The following KCTD9 variants were observed in gnomAD, a reference collection of about 807,000 sequenced individuals.
KCTD9 encodes the protein potassium channel tetramerization domain containing 9.
Under a neutral mutation model 53.3 loss-of-function variants are expected in KCTD9, and 17 were observed. The observed-to-expected ratio is 0.32, with a 90% CI of 0.22 to 0.48. The LOEUF is 0.48. Ranked by LOEUF, KCTD9 falls within the 20% of genes least tolerant of loss-of-function variation. The probability of loss-of-function intolerance (pLI) is 0.99; values close to 1 mark genes in which losing one functional copy is unlikely to be tolerated. For missense variants in KCTD9, 179 were observed against 465.5 expected, an observed-to-expected ratio of 0.38 and a Z score of 5.66; for synonymous variants, 128 against 162.7, an observed-to-expected ratio of 0.79 and a Z score of 1.62.
chr8:25,431,469 G>GGTTAGAGAGAAGGA (rs1447183232), intron 11 of KCTD9, among the ~76,000 whole-genome samples: 1 of 152,116 alleles, frequency 6.6e-6, no homozygotes, highest in Non-Finnish European at 1.5e-5. Flanking sequence ...AGGGGACAAT[G>GGTTAGAGAGAAGGA]GTTAGAGAGA....
chr8:25,458,032 C>T (rs1802503704), intron 1 of KCTD9, among the ~76,000 whole-genome samples, 167 bp downstream of exon 1: 3 of 151,822 alleles, frequency 2.0e-5, no homozygotes, highest in South Asian at 4.2e-4. Flanking sequence ...TCCTGAGGGT[C>T]GGGAGGAGGC....
intron 11 of KCTD9, among the ~76,000 whole-genome samples, chr8:25,430,783 A>G (rs902291723): frequency 2.0e-5 from 3 of 150,424 alleles, no homozygotes; most frequent in African/African-American, 7.3e-5. Context: ...GATTTAAAAT[A>G]CAGAATGGAT....
At chr8:25,440,486 T>G in intron 4 of KCTD9, 91 bp downstream of exon 4, 1 of 859,098 alleles carries the variant, frequency 1.2e-6, no homozygotes, top group South Asian at 1.4e-5. Flanking sequence ...AGCATTTGAG[T>G]ATCTTTTAAG....
rs770224516 is a variant in KCTD9, at chr8:25,429,004, A to G, written c.*853T>C. On this transcript the variant is annotated 3_prime_UTR_variant, in exon 12 of 12. Coordinates refer to ENST00000221200, the MANE Select transcript of KCTD9 (RefSeq NM_017634.4). ...TTTTTTGGTTTTGAAGTATCTTCCT[A>G]TGCTTGTGATGACTGTATGAGAAAA... 4 of 152,212 alleles carry G rather than the reference A, an allele frequency of 2.6e-5. No homozygotes were observed. Among genetic ancestry groups the G allele is most frequent in the Non-Finnish European group, 5.9e-5 (4 of 68,026 alleles). The allele number at this position is 152,212 out of a possible 1,614,324, so 9.4% of individuals were successfully genotyped here. A position where few individuals can be genotyped will look rare whatever the true frequency, so the allele number is the denominator to read the frequency against.
Position 25,458,372 on chromosome 8 carries a change from T to C in KCTD9, c.-126A>G, listed in dbSNP as rs1802522080. The C allele has an allele frequency of 9.4e-7, 1 of 1,063,718 alleles. No homozygotes were observed. The highest frequency in any genetic ancestry group is 1.4e-6 in the Non-Finnish European group (1 of 713,802). 65.9% of individuals were successfully genotyped at this position (1,063,718 alleles called of 1,614,324 possible). On this transcript the variant is annotated 5_prime_UTR_variant, in exon 1 of 12. Transcript: ENST00000221200. ...GATTCGCCTCCCTTCGCCACCTTCC[T>C]GCCCTTGGGGACACACCACACGCAC...
At chr8:25,437,881 A>G (rs1586426515) in intron 6 of KCTD9, among the ~76,000 whole-genome samples, 1 of 142,070 alleles carries the variant, frequency 7.0e-6, no homozygotes, top group Non-Finnish European at 1.5e-5. Flanking sequence ...AAAAAAAAAA[A>G]TCTGGATTTG....
rs552105061 is a variant in KCTD9, at chr8:25,456,273, GT to G, written c.48+1925del. Among the ~76,000 whole-genome samples, 570 of 152,356 alleles carry G rather than the reference GT, an allele frequency of 3.7e-3. 7 individuals carry two copies. The highest frequency in any genetic ancestry group is 0.013 in the African/African-American group (534 of 41,578). On this transcript the variant is annotated intron_variant, in intron 1 of 11. Coordinates refer to ENST00000221200, the MANE Select transcript of KCTD9 (RefSeq NM_017634.4). ...GTAAGTGGTACAGATATTCCAACTG[GT>G]GGATGGGAAATCAAATTCTATTCTA...
intron 6 of KCTD9, among the ~76,000 whole-genome samples, chr8:25,437,064 T>C (rs1397259654): frequency 1.3e-5 from 2 of 152,176 alleles, no homozygotes; most frequent in Non-Finnish European, 2.9e-5. Context: ...TTGGGAAGAA[T>C]AATACAATCT....
chr8:25,452,159 T>C (rs1802337131), intron 1 of KCTD9, among the ~76,000 whole-genome samples: 1 of 152,176 alleles, frequency 6.6e-6, no homozygotes, highest in Non-Finnish European at 1.5e-5. Flanking sequence ...CCTATACTTT[T>C]AGTCAAATAC....
chr8:25,441,449 A>C (rs1802120386), intron 3 of KCTD9, among the ~76,000 whole-genome samples: 1 of 152,216 alleles, frequency 6.6e-6, no homozygotes, highest in Non-Finnish European at 1.5e-5. Flanking sequence ...AACATGCCAG[A>C]AATACCCACA....
At chr8:25,450,858 AG>A (rs1041085611) in intron 1 of KCTD9, among the ~76,000 whole-genome samples, 5 of 152,306 alleles carry the variant, frequency 3.3e-5, no homozygotes, top group African/African-American at 1.2e-4. Context: ...TTTTGTAATA[AG>A]GGGGGAAGTT....
intron 1 of KCTD9, among the ~76,000 whole-genome samples, chr8:25,447,742 T>TA (rs1398807867): frequency 4.6e-5 from 7 of 152,106 alleles, no homozygotes; most frequent in Non-Finnish European, 8.8e-5. Context: ...AAGTGCATTA[T>TA]AAAAAATAAT....
intron 9 of KCTD9, 101 bp from the exon 10 acceptor site, chr8:25,433,536 A>G: frequency 2.1e-6 from 1 of 484,388 alleles, no homozygotes; most frequent in Non-Finnish European, 3.7e-6. Flanking sequence ...GAAAGGCTCA[A>G]CTCAAAACAC....
chr8:25,450,551 C>T, intron 1 of KCTD9: 1 of 703,954 alleles, frequency 1.4e-6, no homozygotes, highest in Non-Finnish European at 1.7e-6. Flanking sequence ...GTGGCTCAAG[C>T]CTGTAATGCC....
intron 6 of KCTD9, among the ~76,000 whole-genome samples, chr8:25,438,168 T>C (rs1283787766): frequency 6.6e-6 from 1 of 152,188 alleles, no homozygotes; most frequent in African/African-American, 2.4e-5. Flanking sequence ...TGGATAAATA[T>C]ATTTCTGACA....
rs1418373956 is a variant in KCTD9, at chr8:25,428,161, A to C, written c.*1696T>G. On this transcript the variant is annotated 3_prime_UTR_variant, in exon 12 of 12. Transcript: ENST00000221200. ...ATTTCTACAGAGGTACCTTTAAGTG[A>C]ATGAATACCACATTCTGTAATTCCT... 2 of 152,662 alleles carry C rather than the reference A, an allele frequency of 1.3e-5. No homozygotes were observed. The highest frequency in any genetic ancestry group is 2.9e-5 in the Non-Finnish European group (2 of 68,030). 9.5% of individuals were successfully genotyped at this position (152,662 alleles called of 1,614,324 possible).
At chr8:25,439,752 T>C in intron 4 of KCTD9, 88 bp from the exon 5 acceptor site, 1 of 1,592,614 alleles carries the variant, frequency 6.3e-7, no homozygotes, top group East Asian at 2.3e-5. Flanking sequence ...TCCCAGCTGC[T>C]CTCTCAAAAA....
chr8:25,443,261 G>A (rs1460138623), intron 3 of KCTD9, among the ~76,000 whole-genome samples: 1 of 152,040 alleles, frequency 6.6e-6, no homozygotes, highest in East Asian at 1.9e-4. Flanking sequence ...AAGGCTTGTT[G>A]GAAAAATGTT....
At chr8:25,454,499 T>C (rs1050629584) in intron 1 of KCTD9, among the ~76,000 whole-genome samples, 2 of 152,228 alleles carry the variant, frequency 1.3e-5, no homozygotes. Flanking sequence ...ACACACTGCA[T>C]GCAGATGTGC....
Sources: allele counts gnomAD v4.1 joint callset (sites outside exome capture counted in the v4.1 genomes callset), GRCh38; gene constraint gnomAD v4.1.1; transcripts MANE v1.5; gene names NCBI Gene and HGNC (gene_info 2026-07-23, HGNC 2026-07-21).